The following TTLL11 variants were observed in gnomAD, a reference collection of about 807,000 sequenced individuals.
The protein encoded by TTLL11 is tubulin polyglutamylase TTLL11.
Under a neutral mutation model 51.7 loss-of-function variants are expected in TTLL11, and 42 were observed. The ratio of observed to expected loss-of-function variants is 0.81; its 90% CI spans 0.64 to 1.05. TTLL11 has a LOEUF of 1.05. TTLL11 is among the 50% of genes least tolerant of loss of function. The pLI is 0.00. For synonymous variants in TTLL11, 381 were observed against 383.5 expected (o/e 0.99, Z 0.08); for missense variants, 799 against 940.4 (o/e 0.85, Z 1.97).
chr9:121,964,828 T>G (rs1842354685), intron 6 of TTLL11, among the ~76,000 whole-genome samples: 1 of 152,120 alleles, frequency 6.6e-6, no homozygotes, highest in South Asian at 2.1e-4. Flanking sequence ...AAGTGCCACC[T>G]CCTTGTCAGT....
chr9:121,960,586 C>A (rs1366349518), intron 6 of TTLL11, among the ~76,000 whole-genome samples: 1 of 152,152 alleles, frequency 6.6e-6, no homozygotes, highest in Non-Finnish European at 1.5e-5. Flanking sequence ...CTCACAGAGG[C>A]TACGGGCATC....
chr9:121,886,637 C>T (rs184944172), intron 6 of TTLL11, among the ~76,000 whole-genome samples: 4 of 152,306 alleles, frequency 2.6e-5, no homozygotes, highest in African/African-American at 7.2e-5. Flanking sequence ...TTCTAAGTCA[C>T]GCAGTTTGAG....
At chr9:121,877,542 A>T (rs1222408284) in intron 6 of TTLL11, among the ~76,000 whole-genome samples, 1 of 152,128 alleles carries the variant, frequency 6.6e-6, no homozygotes, top group Non-Finnish European at 1.5e-5. Context: ...CCCTTCACGC[A>T]ATGACCCTTC....
chr9:121,991,975 G>C (rs1843128012), intron 3 of TTLL11, among the ~76,000 whole-genome samples: 1 of 152,070 alleles, frequency 6.6e-6, no homozygotes, highest in African/African-American at 2.4e-5. Context: ...TGCCATTTTT[G>C]CCTCTAAGAT....
At chr9:122,010,395 G>A (rs1307629326) in intron 3 of TTLL11, among the ~76,000 whole-genome samples, 1 of 152,160 alleles carries the variant, frequency 6.6e-6, no homozygotes, top group Non-Finnish European at 1.5e-5. Context: ...TCTATCTCAG[G>A]GGCTGGCAAA....
intron 6 of TTLL11, among the ~76,000 whole-genome samples, chr9:121,895,253 T>TTG (rs934085999): frequency 2.0e-5 from 3 of 151,952 alleles, no homozygotes; most frequent in Non-Finnish European, 4.4e-5. Flanking sequence ...TGAACCTCAT[T>TTG]TGTGTGTGTG....
chr9:122,057,958 T>C (rs1009310478), intron 1 of TTLL11, among the ~76,000 whole-genome samples: 2 of 152,244 alleles, frequency 1.3e-5, no homozygotes, highest in East Asian at 3.9e-4. Context: ...GCTCAGTCCC[T>C]GTCTTCAGGA....
chr9:121,858,337 G>A (rs564142871), intron 8 of TTLL11, among the ~76,000 whole-genome samples: 3 of 152,272 alleles, frequency 2.0e-5, no homozygotes, highest in South Asian at 2.1e-4. Flanking sequence ...GGGCTCGGGT[G>A]GATTGGTGTT....
chr9:121,906,177 G>A (rs555713992), intron 6 of TTLL11, among the ~76,000 whole-genome samples: 1 of 152,222 alleles, frequency 6.6e-6, no homozygotes, highest in Non-Finnish European at 1.5e-5. Context: ...ATGAAGATTT[G>A]TATCTCTAAT....
At chr9:121,996,464 G>A (rs73662558) in intron 3 of TTLL11, among the ~76,000 whole-genome samples, 4,843 of 151,760 alleles carry the variant, frequency 0.032, 263 homozygotes, top group African/African-American at 0.11. Context: ...CACACACACA[G>A]ACACACACAC....
chr9:121,883,188 C>T (rs745328626), intron 6 of TTLL11, among the ~76,000 whole-genome samples: 1 of 152,158 alleles, frequency 6.6e-6, no homozygotes, highest in Non-Finnish European at 1.5e-5. Flanking sequence ...AACGGTCATT[C>T]TGGTTCCACC....
intron 6 of TTLL11, among the ~76,000 whole-genome samples, chr9:121,910,306 G>A (rs1386867204): frequency 6.6e-6 from 1 of 152,218 alleles, no homozygotes; most frequent in East Asian, 1.9e-4. Flanking sequence ...TTTCTCTCAT[G>A]AGGTACTTCT....
intron 6 of TTLL11, among the ~76,000 whole-genome samples, chr9:121,899,052 G>A (rs1232148865): frequency 6.6e-6 from 1 of 152,104 alleles, no homozygotes; most frequent in South Asian, 2.1e-4. Context: ...CCTGTCAGGG[G>A]CCATGCTGTG....
At chr9:121,940,791 TCTCC>T (rs1841428958) in intron 6 of TTLL11, among the ~76,000 whole-genome samples, 1 of 152,262 alleles carries the variant, frequency 6.6e-6, no homozygotes, top group African/African-American at 2.4e-5. Flanking sequence ...CATTTGCTGA[TCTCC>T]TCTTTTTCTA....
chr9:121,933,199 T>A (rs1271741898), intron 6 of TTLL11, among the ~76,000 whole-genome samples: 1 of 152,092 alleles, frequency 6.6e-6, no homozygotes, highest in Non-Finnish European at 1.5e-5. Context: ...AGAGAACATG[T>A]ATGAAATATA....
intron 6 of TTLL11, among the ~76,000 whole-genome samples, chr9:121,898,653 C>T (rs1474553775): frequency 6.6e-6 from 1 of 152,212 alleles, no homozygotes; most frequent in Non-Finnish European, 1.5e-5. Flanking sequence ...GCACGGTGGG[C>T]TCCCTGGGCA....
intron 3 of TTLL11, among the ~76,000 whole-genome samples, chr9:122,010,655 T>G (rs1299233870): frequency 6.6e-6 from 1 of 152,206 alleles, no homozygotes; most frequent in African/African-American, 2.4e-5. Context: ...AATATAGTAT[T>G]GTTAGCTGTA....
At chr9:122,054,658 A>G (rs1845244992) in intron 1 of TTLL11, among the ~76,000 whole-genome samples, 2 of 152,224 alleles carry the variant, frequency 1.3e-5, no homozygotes, top group African/African-American at 4.8e-5. Context: ...CCCATGGAAA[A>G]GAGTTCCAAT....
intron 6 of TTLL11, among the ~76,000 whole-genome samples, chr9:121,953,407 C>T (rs1235432746): frequency 2.0e-5 from 3 of 151,788 alleles, no homozygotes; most frequent in African/African-American, 4.8e-5. Flanking sequence ...CTGAGGCGGG[C>T]GGATCACTTG....
Sources: allele counts gnomAD v4.1 joint callset (sites outside exome capture counted in the v4.1 genomes callset), GRCh38; gene constraint gnomAD v4.1.1; transcripts MANE v1.5; gene names NCBI Gene and HGNC (gene_info 2026-07-23, HGNC 2026-07-21).